Variants in LIN28B observed in about 807,000 individuals in gnomAD.
The protein encoded by LIN28B is protein lin-28 homolog B.
Under a neutral mutation model 21.9 loss-of-function variants are expected in LIN28B, and 5 were observed. The ratio of observed to expected loss-of-function variants is 0.23; its 90% CI spans 0.12 to 0.48. The LOEUF (loss-of-function observed/expected upper bound fraction) is 0.48. Among genes scored for constraint, LIN28B ranks in the 20% least tolerant of loss-of-function variants. LIN28B has a pLI of 0.98. For synonymous variants in LIN28B, 109 were observed against 111.3 expected (o/e 0.98, Z 0.13); for missense variants, 245 against 310.5 (o/e 0.79, Z 1.58).
intron 2 of LIN28B, among the ~76,000 whole-genome samples, chr6:104,980,795 CAT>C (rs1295123896): frequency 6.6e-6 from 1 of 152,092 alleles, no homozygotes; most frequent in Non-Finnish European, 1.5e-5. Context: ...CTTTTCATAT[CAT>C]GTCCATATAA....
At chr6:104,985,024 A>G (rs574660853) in intron 2 of LIN28B, among the ~76,000 whole-genome samples, 2 of 152,346 alleles carry the variant, frequency 1.3e-5, no homozygotes, top group South Asian at 2.1e-4. Context: ...CCGAATTTCC[A>G]TGGTAATAAA....
chr6:105,060,066 G>C (rs1668313928), intron 3 of LIN28B, among the ~76,000 whole-genome samples: 1 of 151,952 alleles, frequency 6.6e-6, no homozygotes, highest in Admixed American at 6.6e-5. Flanking sequence ...ACCATGGCTG[G>C]CTAATTTTGT....
chr6:104,967,086 G>GT (rs374392913), intron 2 of LIN28B, among the ~76,000 whole-genome samples: 1 of 151,100 alleles, frequency 6.6e-6, no homozygotes, highest in African/African-American at 2.4e-5. Context: ...GTTTTCTTTA[G>GT]TTTTTTTTTC....
At chr6:104,970,476 C>A (rs967350004) in intron 2 of LIN28B, among the ~76,000 whole-genome samples, 1 of 152,050 alleles carries the variant, frequency 6.6e-6, no homozygotes, top group South Asian at 2.1e-4. Flanking sequence ...AAATATTTAT[C>A]GATATGTGTC....
rs1271654231 is a variant in LIN28B at position 105,078,795 on chromosome 6, C to T, written c.*12C>T. On this transcript the variant is annotated 3_prime_UTR_variant, in exon 4 of 4. Transcript: ENST00000345080. The stretch of plus-strand genomic sequence containing the variant: ...GGAAAAAGACATAACAGGTCTTCTT[C>T]ATATGTTCTTTCCTTTACCCGGTTG... 9 of 1,606,152 alleles carry T rather than the reference C, an allele frequency of 5.6e-6. No homozygotes were observed. Among genetic ancestry groups the T allele is most frequent in the Non-Finnish European group, 7.7e-6 (9 of 1,175,028 alleles).
intron 3 of LIN28B, among the ~76,000 whole-genome samples, chr6:105,047,163 A>C (rs867137090): frequency 3.9e-5 from 6 of 152,326 alleles, no homozygotes; most frequent in South Asian, 2.1e-4. Context: ...CTAACATTTA[A>C]GTCTTTAATT....
intron 2 of LIN28B, among the ~76,000 whole-genome samples, chr6:105,023,289 ATATATATATT>A (rs1316027832): frequency 0.017 from 535 of 30,680 alleles, 48 homozygotes; most frequent in African/African-American, 0.056. Context: ...TATATAAATA[ATATATATATT>A]TATATATAAT....
chr6:104,949,434 T>G (rs1778193705), intron 2 of LIN28B, among the ~76,000 whole-genome samples: 1 of 152,216 alleles, frequency 6.6e-6, no homozygotes, highest in Non-Finnish European at 1.5e-5. Context: ...TCTAACTCGG[T>G]GGGATTGTCA....
intron 2 of LIN28B, among the ~76,000 whole-genome samples, chr6:104,937,851 G>A (rs1283402123): frequency 2.0e-5 from 3 of 151,872 alleles, no homozygotes; most frequent in Non-Finnish European, 4.4e-5. Context: ...TCTAGGAACC[G>A]TTGTAGGCAT....
chr6:105,047,051 G>A (rs1282908775), intron 3 of LIN28B, among the ~76,000 whole-genome samples: 2 of 152,124 alleles, frequency 1.3e-5, no homozygotes, highest in Non-Finnish European at 2.9e-5. Context: ...GTTGGCTTTC[G>A]TTGCCATTGC....
intron 1 of LIN28B, 74 bp from the exon 2 acceptor site, chr6:104,958,025 A>AG: frequency 1.2e-6 from 1 of 853,474 alleles, no homozygotes; most frequent in East Asian, 3.8e-5. Context: ...CAGGCAGGCA[A>AG]TTTTTTTTTT....
intron 3 of LIN28B, among the ~76,000 whole-genome samples, chr6:105,051,602 A>T (rs1196200907): frequency 2.0e-5 from 3 of 152,092 alleles, no homozygotes; most frequent in Non-Finnish European, 2.9e-5. Flanking sequence ...TTTTAAGTGT[A>T]ATCTCCATGA....
intron 2 of LIN28B, among the ~76,000 whole-genome samples, chr6:105,013,172 C>T (rs777420881): frequency 8.6e-5 from 13 of 151,908 alleles, no homozygotes; most frequent in East Asian, 1.9e-4. Context: ...CCACCAAGCC[C>T]GGCTAATTTT....
chr6:105,020,847 G>C (rs999126313), intron 2 of LIN28B, among the ~76,000 whole-genome samples: 10 of 150,888 alleles, frequency 6.6e-5, no homozygotes, highest in Non-Finnish European at 1.3e-4. Context: ...ACTCCTCCTG[G>C]GTTCACGCCA....
chr6:104,984,670 A>G (rs1306674286), intron 2 of LIN28B, among the ~76,000 whole-genome samples: 2 of 152,126 alleles, frequency 1.3e-5, no homozygotes, highest in Non-Finnish European at 2.9e-5. Flanking sequence ...ACCTGGCCTC[A>G]AACAGTCCTC....
intron 2 of LIN28B, among the ~76,000 whole-genome samples, chr6:104,984,813 A>G (rs558668098): frequency 2.6e-5 from 4 of 152,354 alleles, no homozygotes; most frequent in Admixed American, 2.6e-4. Flanking sequence ...TGAGAATGTT[A>G]TGAGTGACTT....
At chr6:105,006,187 A>G (rs1388973811) in intron 2 of LIN28B, among the ~76,000 whole-genome samples, 1 of 152,152 alleles carries the variant, frequency 6.6e-6, no homozygotes, top group Non-Finnish European at 1.5e-5. Context: ...CATAGCATGG[A>G]TTGCCAACCA....
At chr6:104,991,538 C>G (rs1364035085) in intron 2 of LIN28B, among the ~76,000 whole-genome samples, 1 of 147,400 alleles carries the variant, frequency 6.8e-6, no homozygotes, top group African/African-American at 2.5e-5. Context: ...ACTGGGCAGC[C>G]GGGCAGAGGG....
At chr6:105,030,807 G>A (rs1285494488) in intron 3 of LIN28B, among the ~76,000 whole-genome samples, 1 of 151,602 alleles carries the variant, frequency 6.6e-6, no homozygotes, top group Non-Finnish European at 1.5e-5. Context: ...TGTTGGCCAG[G>A]CTGGTCTCGA....
Sources: allele counts gnomAD v4.1 joint callset (sites outside exome capture counted in the v4.1 genomes callset), GRCh38; gene constraint gnomAD v4.1.1; transcripts MANE v1.5; gene names NCBI Gene and HGNC (gene_info 2026-07-23, HGNC 2026-07-21).